SMIM17: variants seen among roughly 807,000 people sequenced by gnomAD.
The protein encoded by SMIM17 is small integral membrane protein 17.
Under a neutral mutation model 12.2 loss-of-function variants are expected in SMIM17, and 10 were observed. The observed-to-expected ratio is 0.82, with a 90% CI of 0.50 to 1.39. The LOEUF is 1.39. Among genes scored for constraint, SMIM17 ranks in the 40% most tolerant of loss-of-function variants. The pLI is 0.00. For missense variants in SMIM17, 136 were observed against 118.2 expected (o/e 1.15, Z -0.70); for synonymous variants, 50 against 44.1 (o/e 1.13, Z -0.53).
At chr19:56,649,476 A>G (rs549341716) in intron 3 of SMIM17, among the ~76,000 whole-genome samples, 1 of 152,354 alleles carries the variant, frequency 6.6e-6, no homozygotes, top group African/African-American at 2.4e-5. Flanking sequence ...TTGAGTGGTG[A>G]TAACTGCTAT....
chr19:56,654,498 T>A (rs1177903048), intron 3 of SMIM17, among the ~76,000 whole-genome samples: 1 of 152,110 alleles, frequency 6.6e-6, no homozygotes, highest in Non-Finnish European at 1.5e-5. Flanking sequence ...GTGGTGGTAG[T>A]GAAGGGAAGG....
At chr19:56,648,375 TTCCATCCATCCATCCA>T (rs3071091) in intron 3 of SMIM17, among the ~76,000 whole-genome samples, 1 of 146,242 alleles carries the variant, frequency 6.8e-6, no homozygotes, top group East Asian at 2.0e-4. Flanking sequence ...CATATACCCA[TTCCATCCATCCATCCA>T]TCCATCCATC....
intron 3 of SMIM17, among the ~76,000 whole-genome samples, chr19:56,650,752 C>G (rs899676655): frequency 1.3e-4 from 20 of 152,194 alleles, no homozygotes; most frequent in African/African-American, 4.8e-4. Flanking sequence ...GGTGAAGGAA[C>G]AGGGACAAGC....
chr19:56,645,798 T>G lies in SMIM17; in HGVS notation c.131T>G (p.Val44Gly), dbSNP rs780232347. Reference protein sequence around the residue: ...HPACTKDWEAVEVGASSHDSD... With the variant: ...HPACTKDWEAGEVGASSHDSD... ...GCCTGCACCAAAGACTGGGAGGCTG[T>G]GGAGGTTGGGGCCTCCAGCCATGAC... Residue 44 changes from valine (V) to glycine (G), a missense_variant, in exon 2 of 4, where the codon GTG becomes GGG. Physicochemically the swap from Val to Gly is moderately radical, Grantham distance 109. Transcript: ENST00000598409. 1.4e-5 allele frequency: 21 copies of G among 1,535,650 alleles called. No individual in the cohort carries two copies. The highest frequency in any genetic ancestry group is 1.7e-5 in the Non-Finnish European group (19 of 1,146,774).
At chr19:56,643,668 C>T (rs571993252) in intron 1 of SMIM17, among the ~76,000 whole-genome samples, 1 of 152,318 alleles carries the variant, frequency 6.6e-6, no homozygotes, top group Non-Finnish European at 1.5e-5. Context: ...TGTGGACCAC[C>T]CTGCAACGGT....
chr19:56,648,340 C>T (rs924377822), intron 3 of SMIM17, among the ~76,000 whole-genome samples: 4 of 146,634 alleles, frequency 2.7e-5, no homozygotes, highest in African/African-American at 1.0e-4. Context: ...CATTCATTTA[C>T]CCAACCTTTC....
chr19:56,651,774 G>T (rs973034660), intron 3 of SMIM17, among the ~76,000 whole-genome samples: 2 of 152,028 alleles, frequency 1.3e-5, no homozygotes, highest in African/African-American at 4.8e-5. Flanking sequence ...CCTAGGATGT[G>T]TGCAACCTCC....
chr19:56,644,248 A>G (rs75710225), intron 1 of SMIM17, among the ~76,000 whole-genome samples: 4,041 of 151,204 alleles, frequency 0.027, 175 homozygotes, highest in African/African-American at 0.093. Flanking sequence ...ACAAATCAGA[A>G]CTCCCTAATG....
In SMIM17 at chr19:56,656,833, T is replaced by A. The variant is rs372528474; in HGVS notation, c.*1620T>A. The stretch of plus-strand genomic sequence containing the variant: ...AACACAGAATGTGGCCTATAACACA[T>A]CTGCTTCCAAAACTTTTTAAAAAGC... On this transcript the variant is annotated 3_prime_UTR_variant, in exon 4 of 4. Transcript: ENST00000598409. Among the ~76,000 whole-genome samples, 42 of 152,350 alleles carry A rather than the reference T, an allele frequency of 2.8e-4. 1 individual carries two copies. Among genetic ancestry groups the A allele is most frequent in the African/African-American group, 1.0e-3 (42 of 41,584 alleles).
At position 56,655,272 on chromosome 19, in the gene SMIM17, T is replaced by A. The variant is rs745711830; in HGVS notation, c.*59T>A. ...TTAATGAAATAGATGCCCTATGTCA[T>A]GTTAAGGAATTGTGCTAGTTAAAAA... On this transcript the variant is annotated 3_prime_UTR_variant, in exon 4 of 4. Coordinates refer to ENST00000598409, the MANE Select transcript of SMIM17 (RefSeq NM_001193628.2). The A allele has an allele frequency of 9.0e-6, 6 of 667,446 alleles. No homozygotes were observed. Among genetic ancestry groups the A allele is most frequent in the South Asian group, 8.1e-5 (5 of 62,098 alleles). The allele number at this position is 667,446 out of a possible 1,614,324, so 41.3% of individuals were successfully genotyped here.
At chr19:56,643,386 C>T (rs978784698) in intron 1 of SMIM17, among the ~76,000 whole-genome samples, 176 bp downstream of exon 1, 4 of 152,196 alleles carry the variant, frequency 2.6e-5, no homozygotes, top group Admixed American at 2.0e-4. Flanking sequence ...AGGGCGTCTC[C>T]AAGCCCGTCC....
At position 56,655,730 on chromosome 19, in the gene SMIM17, T is replaced by C. The variant is rs1009580305; in HGVS notation, c.*517T>C. On this transcript the variant is annotated 3_prime_UTR_variant, in exon 4 of 4. Coordinates refer to ENST00000598409, the MANE Select transcript of SMIM17 (RefSeq NM_001193628.2). ...GGTTAAGCTTGCATCATAGAAAGAC[T>C]TGGGTAACTTTTACCTTTTCTATGC... 6.5e-6 allele frequency: 1 copy of C among 153,674 alleles called. No homozygotes were observed. Among genetic ancestry groups the C allele is most frequent in the African/African-American group, 2.4e-5 (1 of 41,508 alleles). The allele number at this position is 153,674 out of a possible 1,614,324, so 9.5% of individuals were successfully genotyped here.
At chr19:56,654,194 T>A (rs1432005498) in intron 3 of SMIM17, among the ~76,000 whole-genome samples, 4 of 152,136 alleles carry the variant, frequency 2.6e-5, no homozygotes, top group Non-Finnish European at 5.9e-5. Flanking sequence ...GAAGAGACAA[T>A]AAACATACAT....
At chr19:56,646,281 T>C (rs930403980) in intron 2 of SMIM17, among the ~76,000 whole-genome samples, 2 of 152,112 alleles carry the variant, frequency 1.3e-5, no homozygotes, top group African/African-American at 4.8e-5. Context: ...AGAGAGGGAA[T>C]TCCCCAATTT....
rs762487871 is a variant in SMIM17 at position 56,647,616 on chromosome 19, C to T, written c.228C>T (p.Asp76=). The T allele has an allele frequency of 4.2e-5, 64 of 1,534,440 alleles. No homozygotes were observed. The highest frequency in any genetic ancestry group is 2.0e-4 in the Admixed American group (10 of 50,864). ...SQEWSSVEED[D]ESEGSQGFVE... is the part of the protein sequence containing the mutation. ...AGTGGAGCTCGGTGGAGGAAGATGACGAATCAGAGGGCTCCCAGGTACACT... is the reference window on the plus strand; with the variant it reads ...AGTGGAGCTCGGTGGAGGAAGATGATGAATCAGAGGGCTCCCAGGTACACT... Residue 76 remains aspartate (D), a synonymous_variant, in exon 3 of 4, where the codon GAC becomes GAT. Coordinates refer to ENST00000598409, the MANE Select transcript of SMIM17 (RefSeq NM_001193628.2).
intron 3 of SMIM17, 119 bp downstream of exon 3, chr19:56,647,753 CTT>C: frequency 1.2e-6 from 1 of 829,488 alleles, no homozygotes; most frequent in Non-Finnish European, 1.9e-6. Context: ...CAAGAGATCT[CTT>C]GTGTCTGATC....
chr19:56,648,166 CCATCCAT>C (rs2045081160), intron 3 of SMIM17, among the ~76,000 whole-genome samples: 1 of 101,646 alleles, frequency 9.8e-6, no homozygotes, highest in African/African-American at 3.0e-5. Flanking sequence ...ATCCATCCAT[CCATCCAT>C]CCATCCATGC....
In SMIM17 at chr19:56,655,130, C is replaced by A; in HGVS notation, c.274C>A (p.Gln92Lys). The A allele has an allele frequency of 1.4e-6, 1 of 701,052 alleles. No homozygotes were observed. The highest frequency in any genetic ancestry group is 1.7e-5 in the African/African-American group (1 of 57,334). The allele number at this position is 701,052 out of a possible 1,614,324, so 43.4% of individuals were successfully genotyped here. ...CTTTGTGGAGTGGTCAAAAGCTCCA[C>A]AACAAACAACCATAGTCTTGGTAGT... ...QGFVEWSKAPQQTTIVLVVCV... is the reference protein window; with the variant it reads ...QGFVEWSKAPKQTTIVLVVCV... The change falls in exon 4 of 4, where the codon CAA becomes AAA. Residue 92 changes from glutamine (Q) to lysine (K), a missense_variant. Physicochemically the swap from Gln to Lys is moderately conservative, Grantham distance 53. Coordinates refer to ENST00000598409, the MANE Select transcript of SMIM17 (RefSeq NM_001193628.2).
intron 3 of SMIM17, among the ~76,000 whole-genome samples, chr19:56,652,050 G>T (rs529645460): frequency 7.6e-6 from 1 of 131,986 alleles, no homozygotes; most frequent in Non-Finnish European, 1.5e-5. Flanking sequence ...GTTACAATGA[G>T]CTGAGATTGT....
Sources: allele counts gnomAD v4.1 joint callset (sites outside exome capture counted in the v4.1 genomes callset), GRCh38; gene constraint gnomAD v4.1.1; transcripts MANE v1.5; gene names NCBI Gene and HGNC (gene_info 2026-07-23, HGNC 2026-07-21).